YBEY: variants seen among roughly 807,000 people sequenced by gnomAD.
YBEY encodes endoribonuclease YbeY.
YBEY carries 15 observed loss-of-function variants against 13.5 expected under a neutral mutation model. That is an observed-to-expected ratio of 1.11 (90% CI 0.75 to 1.72). The LOEUF (loss-of-function observed/expected upper bound fraction) is 1.72, where lower values mean the gene tolerates loss of function less well. Ranked by LOEUF, YBEY falls within the 40% of genes most tolerant of loss-of-function variation. The probability of loss-of-function intolerance (pLI) is 0.00; values close to 1 mark genes in which losing one functional copy is unlikely to be tolerated. For missense variants in YBEY, 244 were observed against 208.4 expected, an observed-to-expected ratio of 1.17 and a Z score of -1.05; for synonymous variants, 101 against 83.1, an observed-to-expected ratio of 1.21 and a Z score of -1.17.
At chr21:46,313,134 CTT>C in the YBEY span, 9 of 868,432 alleles carry the variant, frequency 1.0e-5, no homozygotes, top group African/African-American at 1.8e-5. Context: ...ACCGTCAGCT[CTT>C]GAGTTGGCCA....
At chr21:46,294,433 CCCG>C (rs1442579596) in intron 3 of YBEY, among the ~76,000 whole-genome samples, 37 of 70,330 alleles carry the variant, frequency 5.3e-4, no homozygotes, top group African/African-American at 1.8e-3. Context: ...TTAAATTCCT[CCCG>C]CGGTTAGCCT....
intron 2 of YBEY, among the ~76,000 whole-genome samples, chr21:46,291,122 G>A (rs376870450): frequency 5.3e-5 from 8 of 151,234 alleles, no homozygotes; most frequent in East Asian, 1.9e-4. Flanking sequence ...ACTTGAACCC[G>A]GGAGGCAGAG....
chr21:46,294,872 A>G (rs1168551062), intron 3 of YBEY, among the ~76,000 whole-genome samples: 1 of 152,160 alleles, frequency 6.6e-6, no homozygotes, highest in Admixed American at 6.5e-5. Flanking sequence ...TTGTGGATCC[A>G]AGTGCATCTG....
At chr21:46,296,315 C>A in intron 4 of YBEY, 85 bp downstream of exon 4, 2 of 1,516,100 alleles carry the variant, frequency 1.3e-6, no homozygotes, top group South Asian at 1.1e-5. Flanking sequence ...CACCCTCCAT[C>A]TTGACCGCCC....
chr21:46,297,675 A>G lies in YBEY; in HGVS notation c.*41A>G, dbSNP rs2081999054. The stretch of plus-strand genomic sequence containing the variant: ...TGAAAGCGGGACGCGGGAGGGGTGG[A>G]GGCTGCGGGGAGCCGGGGTCGCACA... On this transcript the variant is annotated 3_prime_UTR_variant, in exon 5 of 5. Coordinates refer to ENST00000397701, the MANE Select transcript of YBEY (RefSeq NM_001314025.2). 2.3e-6 allele frequency: 3 copies of G among 1,276,832 alleles called. No homozygotes were observed. In the East Asian group the frequency reaches 9.4e-5, roughly 40 times the overall value. 79.1% of individuals were successfully genotyped at this position (1,276,832 alleles called of 1,614,324 possible).
intron 4 of YBEY, 57 bp from the exon 5 acceptor site, chr21:46,297,482 G>C: frequency 7.6e-7 from 1 of 1,319,378 alleles, no homozygotes; most frequent in Non-Finnish European, 9.8e-7. Context: ...GGCGACCCCA[G>C]AGAGTGGGGC....
At position 46,291,578 on chromosome 21, in the gene YBEY, G is replaced by C. The variant is rs1044015899; in HGVS notation, c.339+116G>C. The C allele has an allele frequency of 4.6e-6, 7 of 1,518,456 alleles. No individual in the cohort carries two copies. The African/African-American group carries it at 9.9e-5, about 21-fold the overall frequency. 94.1% of individuals were successfully genotyped at this position (1,518,456 alleles called of 1,614,324 possible). On this transcript the variant is annotated intron_variant, in intron 3 of 4. Coordinates refer to ENST00000397701, the MANE Select transcript of YBEY (RefSeq NM_001314025.2). ...CCGTGGGTACCGTAAGGGCTACTGG[G>C]GGAAGAACCTGTAAGCAGGGTGTGA...
chr21:46,309,920 T>A, the YBEY span, among the ~76,000 whole-genome samples: 2 of 151,218 alleles, frequency 1.3e-5, no homozygotes, highest in African/African-American at 4.9e-5. Flanking sequence ...TGCTTAAACC[T>A]GGAGGGGCAG....
At chr21:46,310,838 A>C in the YBEY span, among the ~76,000 whole-genome samples, 1 of 151,244 alleles carries the variant, frequency 6.6e-6, no homozygotes. Context: ...TAAATAAATA[A>C]ATTTTAAAAA....
chr21:46,289,450 T>TTG (rs1555918301), intron 2 of YBEY, among the ~76,000 whole-genome samples: 4 of 139,320 alleles, frequency 2.9e-5, no homozygotes, highest in African/African-American at 5.2e-5. Context: ...GGTTTTGTTT[T>TTG]TTTTTTTTTT....
At chr21:46,298,563 G>A (rs1402125789), downstream of YBEY, among the ~76,000 whole-genome samples, 11 of 151,244 alleles carry the variant, frequency 7.3e-5, no homozygotes, top group Admixed American at 4.0e-4. Flanking sequence ...CCGAGTAGCT[G>A]GGACTACAGG....
At chr21:46,298,519 G>C (rs1017248643), downstream of YBEY, among the ~76,000 whole-genome samples, 7 of 145,086 alleles carry the variant, frequency 4.8e-5, no homozygotes, top group South Asian at 4.4e-4. Flanking sequence ...GGCTCCGCCC[G>C]CCGGGGTTCA....
the YBEY span, among the ~76,000 whole-genome samples, chr21:46,311,276 T>C: frequency 6.6e-6 from 1 of 152,208 alleles, no homozygotes; most frequent in African/African-American, 2.4e-5. Flanking sequence ...TTATCTTTCT[T>C]ATACCTCTTG....
chr21:46,311,451 C>G, the YBEY span: 1 of 1,534,482 alleles, frequency 6.5e-7, no homozygotes, highest in Non-Finnish European at 8.9e-7. Context: ...ATATGGAACA[C>G]TTACCTTCCT....
downstream of YBEY, chr21:46,302,071 ATGGTGG>A (rs71318063): frequency 1.7e-5 from 26 of 1,506,606 alleles, no homozygotes; most frequent in African/African-American, 4.2e-5. Context: ...GCCACACAGC[ATGGTGG>A]TGGTGGTGGT....
At chr21:46,293,401 C>CTT (rs1394488898) in intron 3 of YBEY, among the ~76,000 whole-genome samples, 3 of 23,518 alleles carry the variant, frequency 1.3e-4, no homozygotes, top group African/African-American at 3.4e-4. Context: ...ATTCCTCCCG[C>CTT]GGTTAGCCTG....
chr21:46,308,385 C>T, the YBEY span, among the ~76,000 whole-genome samples: 1 of 151,782 alleles, frequency 6.6e-6, no homozygotes, highest in South Asian at 2.1e-4. Flanking sequence ...TGTTTGAACC[C>T]GGGAGGCAGA....
At chr21:46,286,664 C>G (rs771643728) in intron 1 of YBEY, 1 of 343,876 alleles carries the variant, frequency 2.9e-6, no homozygotes, top group African/African-American at 2.1e-5. Context: ...CCTTCCGCTC[C>G]GCCCGCCTGG....
chr21:46,309,814 G>A, the YBEY span, among the ~76,000 whole-genome samples: 4 of 152,000 alleles, frequency 2.6e-5, no homozygotes, highest in African/African-American at 9.7e-5. Context: ...GGCCAAGATG[G>A]TGAAACCCCG....
Sources: allele counts gnomAD v4.1 joint callset (sites outside exome capture counted in the v4.1 genomes callset), GRCh38; gene constraint gnomAD v4.1.1; transcripts MANE v1.5; gene names NCBI Gene and HGNC (gene_info 2026-07-23, HGNC 2026-07-21).